Variants in PIAS2 observed in about 807,000 individuals in gnomAD.
The protein encoded by PIAS2 is E3 SUMO-protein ligase PIAS2.
A neutral mutation model predicts 69.7 loss-of-function variants in PIAS2; 19 were observed. That is an observed-to-expected ratio of 0.27 (90% confidence interval 0.19 to 0.40). The LOEUF (loss-of-function observed/expected upper bound fraction) is 0.40, where lower values mean the gene tolerates loss of function less well. PIAS2 is among the 10% of genes least tolerant of loss of function. The pLI, the probability that PIAS2 is intolerant of heterozygous loss-of-function variation, is 1.00. For missense variants in PIAS2, 624 were observed against 757.0 expected (o/e 0.82, Z 2.06); for synonymous variants, 261 against 263.2 (o/e 0.99, Z 0.08).
intron 6 of PIAS2, 42 bp downstream of exon 6, chr18:46,846,665 A>C: frequency 6.4e-7 from 1 of 1,561,734 alleles, no homozygotes; most frequent in Non-Finnish European, 8.7e-7. Flanking sequence ...GTCAACCCTC[A>C]GTGGGGTCAC....
At position 46,810,740 on chromosome 18, in the gene PIAS2, GAA is replaced by G. The variant is rs201927526; in HGVS notation, c.*1691_*1692del. On this transcript the variant is annotated 3_prime_UTR_variant, in exon 14 of 14. Coordinates refer to ENST00000585916, the MANE Select transcript of PIAS2 (RefSeq NM_004671.5). The stretch of plus-strand genomic sequence containing the variant: ...GCCATGGAAACTTGAGAAGGTGAAA[GAA>G]AAAAAAAAAAAACCCCAAGCAAGGA... 10 of 119,158 alleles carry G rather than the reference GAA, an allele frequency of 8.4e-5. No homozygotes were observed. The highest frequency in any genetic ancestry group is 2.1e-4 in the African/African-American group (7 of 33,136). 7.4% of individuals were successfully genotyped at this position (119,158 alleles called of 1,614,324 possible).
chr18:46,911,247 G>C (rs1456477417), intron 1 of PIAS2, among the ~76,000 whole-genome samples: 1 of 139,174 alleles, frequency 7.2e-6, no homozygotes, highest in Non-Finnish European at 1.6e-5. Flanking sequence ...ACGAAGCCTT[G>C]CTTTGTCACC....
chr18:46,901,229 C>A, intron 1 of PIAS2: 1 of 394,458 alleles, frequency 2.5e-6, no homozygotes, highest in Non-Finnish European at 5.0e-6. Flanking sequence ...GCCAGCCTGA[C>A]CAACATGGAG....
intron 1 of PIAS2, among the ~76,000 whole-genome samples, chr18:46,902,605 G>A (rs944477235): frequency 6.6e-6 from 1 of 151,824 alleles, no homozygotes; most frequent in Admixed American, 6.6e-5. Flanking sequence ...AATTCTTCAC[G>A]GATTGGAAAA....
At position 46,855,329 on chromosome 18, in the gene PIAS2, A is replaced by T; in HGVS notation, c.726+16T>A. 6.4e-7 allele frequency: 1 copy of T among 1,552,880 alleles called. No homozygotes were observed. The highest frequency in any genetic ancestry group is 2.2e-5 in the East Asian group (1 of 44,530). On this transcript the variant is annotated intron_variant, in intron 5 of 13. Transcript: ENST00000585916. ...TTAAACTTATATGCAAATCTGGTGA[A>T]TAAAAAGCAACTTACAGGCAAAGGA... is the stretch of plus-strand genomic sequence containing the variant.
chr18:46,875,859 GTA>G (rs1180042384), intron 2 of PIAS2, among the ~76,000 whole-genome samples: 1 of 152,230 alleles, frequency 6.6e-6, no homozygotes, highest in Non-Finnish European at 1.5e-5. Flanking sequence ...GGCATGAACT[GTA>G]TGGTAGCTCT....
intron 1 of PIAS2, among the ~76,000 whole-genome samples, chr18:46,912,521 A>G (rs1480750128): frequency 6.6e-6 from 1 of 152,206 alleles, no homozygotes. Flanking sequence ...TGAAGGGCCA[A>G]ATATACTGTC....
upstream of PIAS2, chr18:46,917,711 G>T: frequency 3.2e-6 from 1 of 309,374 alleles, no homozygotes; most frequent in Non-Finnish European, 4.7e-6. Context: ...GGCCCCTGCG[G>T]ACTGCCTAGA....
chr18:46,852,911 G>GA (rs2047185533), intron 5 of PIAS2: 1 of 152,220 alleles, frequency 6.6e-6, no homozygotes, highest in South Asian at 2.1e-4. Flanking sequence ...CAGACACCAA[G>GA]AAGCCCTCCA....
chr18:46,859,078 G>C (rs945493772), intron 3 of PIAS2, among the ~76,000 whole-genome samples: 1 of 152,144 alleles, frequency 6.6e-6, no homozygotes, highest in Non-Finnish European at 1.5e-5. Flanking sequence ...GACCATACTA[G>C]CTCCCTCAAA....
chr18:46,828,151 G>T, intron 10 of PIAS2, 21 bp from the exon 11 acceptor site: 1 of 1,567,294 alleles, frequency 6.4e-7, no homozygotes, highest in Non-Finnish European at 8.6e-7. Flanking sequence ...AGAAACAAAA[G>T]GAAAAAAAAA....
chr18:46,836,365 T>C lies in PIAS2; in HGVS notation c.1194A>G (p.Ile398Met). The C allele has an allele frequency of 1.2e-6, 2 of 1,613,830 alleles. No homozygotes were observed. The highest frequency in any genetic ancestry group is 1.7e-6 in the Non-Finnish European group (2 of 1,179,740). Reference sequence around the variant, plus strand: ...AAAAGGGATATACTTACCCATCTAATATTAGACTTTCATAGGCAGCTTTTT... The same window carrying C: ...AAAAGGGATATACTTACCCATCTAACATTAGACTTTCATAGGCAGCTTTTT... ...CDKKAAYESLILDGLFMEILN... is the reference protein window; with the variant it reads ...CDKKAAYESLMLDGLFMEILN... Residue 398 changes from isoleucine to methionine, a missense_variant, in exon 9 of 14, where the codon ATA becomes ATG. Coordinates refer to ENST00000585916, the MANE Select transcript of PIAS2 (RefSeq NM_004671.5).
intron 11 of PIAS2, among the ~76,000 whole-genome samples, chr18:46,822,705 G>A (rs2042309611): frequency 6.6e-6 from 1 of 152,098 alleles, no homozygotes; most frequent in South Asian, 2.1e-4. Flanking sequence ...CAAATAACAT[G>A]AGACCACCTC....
chr18:46,830,859 ACTCTGATAATAAAACCAGGCAGGCATT>A (rs2043507947), intron 9 of PIAS2, among the ~76,000 whole-genome samples: 1 of 152,186 alleles, frequency 6.6e-6, no homozygotes, highest in African/African-American at 2.4e-5. Context: ...GGTCAGCATT[ACTCTGATAATAAAACCAGGCAGGCATT>A]GCAACAAAAC....
At chr18:46,825,815 T>C (rs1415327886) in intron 11 of PIAS2, among the ~76,000 whole-genome samples, 2 of 152,236 alleles carry the variant, frequency 1.3e-5, no homozygotes, top group African/African-American at 4.8e-5. Flanking sequence ...CTGAAGGCCT[T>C]TCCAACATCC....
intron 5 of PIAS2, among the ~76,000 whole-genome samples, chr18:46,848,766 A>AGT (rs554067671): frequency 0.032 from 4,660 of 146,342 alleles, 71 homozygotes; most frequent in African/African-American, 0.049. Flanking sequence ...AGAGAGAGAC[A>AGT]GTGTGTGTGT....
At chr18:46,888,623 C>T (rs1598853628) in intron 2 of PIAS2, among the ~76,000 whole-genome samples, 1 of 152,154 alleles carries the variant, frequency 6.6e-6, no homozygotes, top group East Asian at 1.9e-4. Context: ...TTCCCACAGG[C>T]CAGGGGAATG....
At chr18:46,834,304 GGAGAACA>G (rs2145059515) in intron 9 of PIAS2, among the ~76,000 whole-genome samples, 1 of 152,272 alleles carries the variant, frequency 6.6e-6, no homozygotes, top group Admixed American at 6.5e-5. Flanking sequence ...CCTTCTGAAT[GGAGAACA>G]AAGGTCACAA....
chr18:46,906,550 C>T (rs933732006), intron 1 of PIAS2, among the ~76,000 whole-genome samples: 1 of 151,788 alleles, frequency 6.6e-6, no homozygotes, highest in Non-Finnish European at 1.5e-5. Context: ...TTATGATTTG[C>T]TATAAAAATA....
Sources: allele counts gnomAD v4.1 joint callset (sites outside exome capture counted in the v4.1 genomes callset), GRCh38; gene constraint gnomAD v4.1.1; transcripts MANE v1.5; gene names NCBI Gene and HGNC (gene_info 2026-07-23, HGNC 2026-07-21).